The following ZC3H13 variants were observed in gnomAD, a reference collection of about 807,000 sequenced individuals.
ZC3H13 encodes zinc finger CCCH domain-containing protein 13.
Under a neutral mutation model 204.1 loss-of-function variants are expected in ZC3H13, and 64 were observed. That is an observed-to-expected ratio of 0.31 (90% confidence interval 0.26 to 0.39). ZC3H13 has a LOEUF of 0.39. Ranked by LOEUF, ZC3H13 falls within the 10% of genes least tolerant of loss-of-function variation. The pLI, the probability that ZC3H13 is intolerant of heterozygous loss-of-function variation, is 1.00. For missense variants in ZC3H13, 1,833 were observed against 2,082.7 expected (o/e 0.88, Z 2.33); for synonymous variants, 667 against 693.7 (o/e 0.96, Z 0.60).
chr13:46,007,164 A>T (rs906209871), intron 7 of ZC3H13, among the ~76,000 whole-genome samples: 1 of 152,058 alleles, frequency 6.6e-6, no homozygotes, highest in South Asian at 2.1e-4. Flanking sequence ...GGGTTTACCA[A>T]ACTTTTCTTC....
intron 4 of ZC3H13, among the ~76,000 whole-genome samples, chr13:46,033,653 C>T (rs369436625): frequency 6.6e-5 from 10 of 152,166 alleles, no homozygotes; most frequent in South Asian, 4.1e-4. Context: ...ACTAATCTAG[C>T]GGTAAAAGCT....
chr13:45,975,157 A>G lies in ZC3H13; in HGVS notation c.2468+126T>C. On this transcript the variant is annotated intron_variant, in intron 12 of 18. Coordinates refer to ENST00000679008, the MANE Select transcript of ZC3H13 (RefSeq NM_001330564.2). Reference sequence around the variant, plus strand: ...CACCGATACATATACTAAATTTGAAAAACAGGAAAATATACAGAGAAAAAA... The same window carrying G: ...CACCGATACATATACTAAATTTGAAGAACAGGAAAATATACAGAGAAAAAA... The G allele has an allele frequency of 3.5e-6, 5 of 1,427,684 alleles. No individual in the cohort carries two copies. In the East Asian group the frequency reaches 1.2e-4, roughly 35 times the overall value. The allele number at this position is 1,427,684 out of a possible 1,614,324, so 88.4% of individuals were successfully genotyped here.
At chr13:45,973,053 T>C (rs975279308) in intron 12 of ZC3H13, among the ~76,000 whole-genome samples, 22 of 152,212 alleles carry the variant, frequency 1.4e-4, no homozygotes, top group Non-Finnish European at 2.1e-4. Context: ...AACCACTCTA[T>C]TGAGCCCAGG....
At chr13:46,047,416 A>C (rs2044046509) in intron 1 of ZC3H13, among the ~76,000 whole-genome samples, 1 of 152,222 alleles carries the variant, frequency 6.6e-6, no homozygotes, top group Non-Finnish European at 1.5e-5. Flanking sequence ...ATTTGCTGCA[A>C]CACAAAATCA....
Position 45,975,753 on chromosome 13 carries a change from G to A in ZC3H13, c.1998C>T (p.Asp666=), listed in dbSNP as rs749497406. The change falls in exon 12 of 19, where the codon GAC becomes GAT. Residue 666 remains aspartate (D), a synonymous_variant. Coordinates refer to ENST00000679008, the MANE Select transcript of ZC3H13 (RefSeq NM_001330564.2). ...RDERREERRV[D]RVDDRRDERA... ...TTTCATCTCTCCTATCATCCACTCT[G>A]TCTACTCTTCGTTCCTCTCTTCTTT... The A allele has an allele frequency of 3.1e-6, 5 of 1,613,472 alleles. No homozygotes were observed. The highest frequency in any genetic ancestry group is 4.2e-6 in the Non-Finnish European group (5 of 1,179,816).
At chr13:46,049,821 A>G (rs1026640636) in intron 1 of ZC3H13, among the ~76,000 whole-genome samples, 3 of 152,340 alleles carry the variant, frequency 2.0e-5, no homozygotes, top group East Asian at 1.9e-4. Flanking sequence ...ATTAGAAACC[A>G]TAAGATAAAA....
chr13:45,965,695 T>C (rs921694799), intron 15 of ZC3H13, among the ~76,000 whole-genome samples: 12 of 152,082 alleles, frequency 7.9e-5, no homozygotes, highest in African/African-American at 2.9e-4. Context: ...ACAATAAAAA[T>C]ATGACAAATA....
intron 8 of ZC3H13, among the ~76,000 whole-genome samples, chr13:45,999,132 T>C (rs188908843): frequency 6.6e-6 from 1 of 152,188 alleles, no homozygotes; most frequent in African/African-American, 2.4e-5. Flanking sequence ...CCCAGCTACT[T>C]GGGAGGGTGA....
At chr13:46,049,673 T>C (rs1012617479) in intron 1 of ZC3H13, among the ~76,000 whole-genome samples, 1 of 152,216 alleles carries the variant, frequency 6.6e-6, no homozygotes, top group African/African-American at 2.4e-5. Context: ...TTTTCAATCC[T>C]ATTTAAAACT....
At chr13:46,001,531 C>T (rs2040742704) in intron 8 of ZC3H13, 1 of 152,088 alleles carries the variant, frequency 6.6e-6, no homozygotes, top group South Asian at 2.1e-4. Flanking sequence ...TACTAAATAA[C>T]AGGTGAGTCC....
intron 13 of ZC3H13, 114 bp from the exon 14 acceptor site, chr13:45,970,085 G>T: frequency 7.7e-7 from 1 of 1,297,590 alleles, no homozygotes; most frequent in Non-Finnish European, 1.0e-6. Flanking sequence ...TTGGGAGGCC[G>T]AGGCAGGTGG....
chr13:46,025,574 T>C (rs2042495683), intron 4 of ZC3H13, among the ~76,000 whole-genome samples: 1 of 152,168 alleles, frequency 6.6e-6, no homozygotes, highest in South Asian at 2.1e-4. Context: ...CCTCCCAAAG[T>C]ACAGGGATTA....
chr13:46,040,222 A>G (rs2043481517), intron 4 of ZC3H13, among the ~76,000 whole-genome samples: 1 of 152,190 alleles, frequency 6.6e-6, no homozygotes, highest in African/African-American at 2.4e-5. Context: ...TGTAAGAAAT[A>G]AGTTTCACAA....
At chr13:46,024,379 A>G (rs544548469) in intron 4 of ZC3H13, among the ~76,000 whole-genome samples, 1 of 152,112 alleles carries the variant, frequency 6.6e-6, no homozygotes, top group South Asian at 2.1e-4. Context: ...GGTAGTAAAC[A>G]CTCTCAATTT....
intron 1 of ZC3H13, among the ~76,000 whole-genome samples, chr13:46,047,852 C>T (rs1292835901): frequency 6.6e-6 from 1 of 152,072 alleles, no homozygotes; most frequent in Non-Finnish European, 1.5e-5. Flanking sequence ...TGAATAGGTT[C>T]CAAAATTTCC....
At chr13:46,048,126 T>C (rs1019953924) in intron 1 of ZC3H13, among the ~76,000 whole-genome samples, 9 of 152,192 alleles carry the variant, frequency 5.9e-5, no homozygotes, top group Admixed American at 2.0e-4. Flanking sequence ...TCATCTATCA[T>C]CTCCTTTCTT....
chr13:46,019,106 C>G (rs2042079039), intron 5 of ZC3H13, among the ~76,000 whole-genome samples: 1 of 152,140 alleles, frequency 6.6e-6, no homozygotes, highest in Non-Finnish European at 1.5e-5. Context: ...TTTAACAGCA[C>G]TGTCCAAAGA....
chr13:46,039,159 C>T (rs2139104446), intron 4 of ZC3H13, among the ~76,000 whole-genome samples: 1 of 152,292 alleles, frequency 6.6e-6, no homozygotes, highest in South Asian at 2.1e-4. Flanking sequence ...ATACACGATG[C>T]TCAGTGCCTT....
intron 5 of ZC3H13, among the ~76,000 whole-genome samples, chr13:46,017,176 A>G (rs2041959789): frequency 6.6e-6 from 1 of 152,138 alleles, no homozygotes; most frequent in Non-Finnish European, 1.5e-5. Flanking sequence ...AGAAAAGAAG[A>G]TGGCTAGGTA....
Sources: allele counts gnomAD v4.1 joint callset (sites outside exome capture counted in the v4.1 genomes callset), GRCh38; gene constraint gnomAD v4.1.1; transcripts MANE v1.5; gene names NCBI Gene and HGNC (gene_info 2026-07-23, HGNC 2026-07-21).